FBXL17: variants seen among roughly 807,000 people sequenced by gnomAD.
FBXL17 encodes the protein F-box and leucine rich repeat protein 17, also known as F-box/LRR-repeat protein 17.
Under a neutral mutation model 66.2 loss-of-function variants are expected in FBXL17, and 22 were observed. That is an observed-to-expected ratio of 0.33 (90% confidence interval 0.24 to 0.47). FBXL17 has a LOEUF of 0.47. Among genes scored for constraint, FBXL17 ranks in the 20% least tolerant of loss-of-function variants. FBXL17 has a pLI of 1.00. For synonymous variants in FBXL17, 474 were observed against 400.5 expected (o/e 1.18, Z -2.19); for missense variants, 878 against 948.2 (o/e 0.93, Z 0.97).
At chr5:108,208,388 T>C (rs1580616305) in intron 5 of FBXL17, among the ~76,000 whole-genome samples, 1 of 152,212 alleles carries the variant, frequency 6.6e-6, no homozygotes, top group African/African-American at 2.4e-5. Flanking sequence ...TCTTTGCCCA[T>C]GCCTATGCCC....
intron 4 of FBXL17, among the ~76,000 whole-genome samples, chr5:108,328,771 C>A (rs1029100869): frequency 6.6e-6 from 1 of 151,910 alleles, no homozygotes; most frequent in Non-Finnish European, 1.5e-5. Context: ...GTAAAATCAA[C>A]CCAAGTATAT....
rs190243116 is a variant in FBXL17 at position 108,247,089 on chromosome 5, A to G, written c.1507-22861T>C. Among the ~76,000 whole-genome samples the G allele has an allele frequency of 3.0e-3, 455 of 152,326 alleles. 2 individuals are homozygous for G. Among genetic ancestry groups the G allele is most frequent in the African/African-American group, 0.01 (436 of 41,584 alleles). The stretch of plus-strand genomic sequence containing the variant: ...CAAAAAAATAAAGGCCCTGTCTAGT[A>G]TATCTGTGTTTGCAATGGTAGTGAT... On this transcript the variant is annotated intron_variant, in intron 4 of 8. Transcript: ENST00000542267.
At chr5:107,971,715 G>A (rs1034754091) in intron 7 of FBXL17, among the ~76,000 whole-genome samples, 11 of 152,134 alleles carry the variant, frequency 7.2e-5, no homozygotes, top group African/African-American at 1.2e-4. Context: ...TGAAACAAAC[G>A]TTTTCATGTC....
At chr5:108,367,361 T>C (rs1231656700) in intron 2 of FBXL17, among the ~76,000 whole-genome samples, 2 of 152,124 alleles carry the variant, frequency 1.3e-5, no homozygotes, top group Admixed American at 1.3e-4. Context: ...TATCTTAGCC[T>C]ATTTTACTTC....
chr5:107,909,267 T>A (rs140375517), intron 7 of FBXL17, among the ~76,000 whole-genome samples: 1 of 152,118 alleles, frequency 6.6e-6, no homozygotes, highest in Non-Finnish European at 1.5e-5. Flanking sequence ...CAAGTTTCCA[T>A]GGAAAGAGCC....
chr5:108,349,166 A>G (rs939758648), intron 3 of FBXL17, among the ~76,000 whole-genome samples: 12 of 152,200 alleles, frequency 7.9e-5, no homozygotes, highest in Non-Finnish European at 1.6e-4. Flanking sequence ...ATTATGGTGT[A>G]TTCATAAAAC....
chr5:108,023,184 G>T (rs1329948835), intron 6 of FBXL17, among the ~76,000 whole-genome samples: 1 of 152,170 alleles, frequency 6.6e-6, no homozygotes, highest in East Asian at 1.9e-4. Context: ...ATCACAGCCA[G>T]TGTGCTAAAA....
At chr5:108,134,015 T>C (rs1267242297) in intron 6 of FBXL17, among the ~76,000 whole-genome samples, 1 of 152,172 alleles carries the variant, frequency 6.6e-6, no homozygotes, top group African/African-American at 2.4e-5. Flanking sequence ...TAAGGTAAGG[T>C]TAAACATTGG....
chr5:108,201,419 A>C (rs1332311524), intron 5 of FBXL17, among the ~76,000 whole-genome samples: 1 of 152,138 alleles, frequency 6.6e-6, no homozygotes, highest in African/African-American at 2.4e-5. Flanking sequence ...AGGTGCAGTA[A>C]AAATGGTTCT....
chr5:108,262,852 A>T (rs1024224660), intron 4 of FBXL17, among the ~76,000 whole-genome samples: 4 of 152,212 alleles, frequency 2.6e-5, no homozygotes, highest in Non-Finnish European at 5.9e-5. Context: ...CAATTAATAG[A>T]GGGAAAGCAT....
intron 6 of FBXL17, among the ~76,000 whole-genome samples, chr5:108,029,542 T>C (rs974852395): frequency 6.6e-6 from 1 of 152,174 alleles, no homozygotes; most frequent in African/African-American, 2.4e-5. Context: ...AAATCATCTT[T>C]GCTGTAACAT....
At chr5:107,956,065 G>A (rs905050280) in intron 7 of FBXL17, among the ~76,000 whole-genome samples, 1 of 152,022 alleles carries the variant, frequency 6.6e-6, no homozygotes, top group African/African-American at 2.4e-5. Flanking sequence ...ATGGCAAAGG[G>A]GTTGTCATAA....
At chr5:107,884,319 T>C (rs1043505311) in intron 7 of FBXL17, among the ~76,000 whole-genome samples, 2 of 152,120 alleles carry the variant, frequency 1.3e-5, no homozygotes, top group African/African-American at 4.8e-5. Context: ...TGCAGAACAA[T>C]AACCATTTCA....
chr5:108,330,057 T>C (rs949063261), intron 4 of FBXL17, among the ~76,000 whole-genome samples: 1 of 152,294 alleles, frequency 6.6e-6, no homozygotes, highest in African/African-American at 2.4e-5. Context: ...GAGAGAACAA[T>C]AGGCTATGGG....
At chr5:108,057,246 T>A (rs1394998889) in intron 6 of FBXL17, among the ~76,000 whole-genome samples, 1 of 152,106 alleles carries the variant, frequency 6.6e-6, no homozygotes, top group Admixed American at 6.5e-5. Flanking sequence ...AAAGTTCACA[T>A]CAGAAATTAA....
intron 7 of FBXL17, among the ~76,000 whole-genome samples, chr5:107,961,120 G>A (rs1751885592): frequency 6.6e-6 from 1 of 152,150 alleles, no homozygotes; most frequent in Non-Finnish European, 1.5e-5. Flanking sequence ...GGTAGAATAA[G>A]CAACACATGC....
intron 4 of FBXL17, among the ~76,000 whole-genome samples, chr5:108,341,289 A>G (rs1383606599): frequency 6.6e-6 from 1 of 152,196 alleles, no homozygotes; most frequent in Non-Finnish European, 1.5e-5. Context: ...TATAAATTAC[A>G]TGTGACCACA....
chr5:108,381,706 G>A lies in FBXL17; in HGVS notation c.-15C>T. 4 of 1,444,772 alleles carry A rather than the reference G, an allele frequency of 2.8e-6. No individual in the cohort carries two copies. The highest frequency in any genetic ancestry group is 2.7e-6 in the Non-Finnish European group (3 of 1,104,648). 89.5% of individuals were successfully genotyped at this position (1,444,772 alleles called of 1,614,324 possible). A position where few individuals can be genotyped will look rare whatever the true frequency, so the allele number is the denominator to read the frequency against. On this transcript the variant is annotated 5_prime_UTR_variant, in exon 1 of 9. Transcript: ENST00000542267. ...AGGTGGCCCATATAGAAGGCCCCGA[G>A]GAGGGGGACCGGGACGGGAGGGAGG...
intron 6 of FBXL17, among the ~76,000 whole-genome samples, chr5:108,043,193 A>G (rs1466419650): frequency 6.6e-6 from 1 of 152,122 alleles, no homozygotes; most frequent in Admixed American, 6.5e-5. Context: ...CATCCTATTA[A>G]AAGGGTCTTT....
Sources: gnomAD v4.1 joint callset for allele counts (sites outside exome capture counted in the v4.1 genomes callset) on GRCh38, gnomAD v4.1.1 for gene constraint, MANE v1.5 for transcripts, NCBI Gene and HGNC (gene_info 2026-07-23, HGNC 2026-07-21) for gene names.